Variants in OR51B5 observed in about 807,000 individuals in gnomAD.
OR51B5 encodes olfactory receptor 51B5.
For missense variants in OR51B5, 456 were observed against 374.6 expected (o/e 1.22, Z -1.79); for synonymous variants, 186 against 144.8 (o/e 1.28, Z -2.04).
chr11:5,455,621 A>AAGAG (rs531024192), intron 1 of OR51B5: 76 of 150,818 alleles, frequency 5.0e-4, no homozygotes, highest in African/African-American at 1.8e-3. Flanking sequence ...GAAAGAGAGA[A>AAGAG]AGAGAGAGAG....
intron 1 of OR51B5, among the ~76,000 whole-genome samples, chr11:5,414,675 A>G (rs1850209161): frequency 6.6e-6 from 1 of 152,194 alleles, no homozygotes; most frequent in Non-Finnish European, 1.5e-5. Flanking sequence ...AAAGATCAAA[A>G]GAGACAAGGC....
chr11:5,441,026 A>C, intron 1 of OR51B5: 3 of 1,613,824 alleles, frequency 1.9e-6, no homozygotes, highest in Non-Finnish European at 2.5e-6. Context: ...GTTTCACCAC[A>C]AAAGGGAAAG....
intron 1 of OR51B5, chr11:5,351,455 T>A (rs1434412023): frequency 7.0e-7 from 1 of 1,419,780 alleles, no homozygotes; most frequent in Non-Finnish European, 9.6e-7. Flanking sequence ...TTTATACAAC[T>A]GATTACTATT....
intron 1 of OR51B5, among the ~76,000 whole-genome samples, chr11:5,437,733 C>T (rs1175316589): frequency 6.6e-6 from 1 of 152,130 alleles, no homozygotes; most frequent in Non-Finnish European, 1.5e-5. Flanking sequence ...TGCTAGTTAT[C>T]GTTAAGTTCT....
chr11:5,360,402 A>C (rs2133696986), intron 1 of OR51B5, among the ~76,000 whole-genome samples: 1 of 152,002 alleles, frequency 6.6e-6, no homozygotes, highest in African/African-American at 2.4e-5. Context: ...GCTCATCATC[A>C]CTGGCCATCA....
intron 1 of OR51B5, chr11:5,454,538 G>T (rs1263231831): frequency 1.1e-6 from 1 of 899,122 alleles, no homozygotes; most frequent in South Asian, 1.7e-5. Context: ...GGAAAAGTAG[G>T]CCAGGAGATG....
intron 1 of OR51B5, among the ~76,000 whole-genome samples, chr11:5,487,201 G>A (rs2133812234): frequency 6.6e-6 from 1 of 152,198 alleles, no homozygotes; most frequent in South Asian, 2.1e-4. Flanking sequence ...TCTTTTCATT[G>A]GTTAGGGATG....
intron 1 of OR51B5, among the ~76,000 whole-genome samples, chr11:5,448,905 T>C (rs539250677): frequency 1.3e-5 from 2 of 152,278 alleles, no homozygotes; most frequent in African/African-American, 4.8e-5. Flanking sequence ...GACCAGAAAA[T>C]TTAAAGAACA....
chr11:5,414,812 A>G (rs1483483644), intron 1 of OR51B5, among the ~76,000 whole-genome samples: 2 of 152,210 alleles, frequency 1.3e-5, no homozygotes, highest in African/African-American at 4.8e-5. Context: ...TTAGACTCCC[A>G]CACTTTAATA....
chr11:5,351,759 G>A (rs1321072780), intron 1 of OR51B5: 6 of 1,613,880 alleles, frequency 3.7e-6, no homozygotes, highest in Non-Finnish European at 5.1e-6. Flanking sequence ...GTGTTCTGTG[G>A]TTAGATCACA....
chr11:5,418,335 G>C (rs1850273148), intron 1 of OR51B5, among the ~76,000 whole-genome samples: 1 of 152,006 alleles, frequency 6.6e-6, no homozygotes, highest in Non-Finnish European at 1.5e-5. Context: ...CAGCGCACCA[G>C]CATGTCACAT....
chr11:5,410,320 T>C (rs1484244572), intron 1 of OR51B5, among the ~76,000 whole-genome samples: 1 of 152,116 alleles, frequency 6.6e-6, no homozygotes, highest in Non-Finnish European at 1.5e-5. Flanking sequence ...AAGAAAGAGA[T>C]ATCATTTGAG....
At chr11:5,383,258 G>A (rs986553109) in intron 1 of OR51B5, among the ~76,000 whole-genome samples, 2 of 152,146 alleles carry the variant, frequency 1.3e-5, no homozygotes, top group African/African-American at 4.8e-5. Flanking sequence ...ATTTGTTTGG[G>A]GTAGGATTGA....
intron 1 of OR51B5, among the ~76,000 whole-genome samples, chr11:5,361,301 G>C (rs112416732): frequency 1.3e-5 from 2 of 152,152 alleles, no homozygotes; most frequent in South Asian, 4.1e-4. Flanking sequence ...CTGTTCCAAA[G>C]TTCTAAATCC....
intron 1 of OR51B5, chr11:5,430,671 G>A (rs1254460136): frequency 2.2e-6 from 1 of 454,940 alleles, no homozygotes; most frequent in Non-Finnish European, 4.4e-6. Context: ...ATTCCCTCTT[G>A]CAGGAAAACA....
chr11:5,422,187 C>G, intron 1 of OR51B5: 1 of 1,564,972 alleles, frequency 6.4e-7, no homozygotes. Flanking sequence ...AATCTGAAGA[C>G]ACATTCATCA....
At position 5,343,425 on chromosome 11, in the gene OR51B5, T is replaced by TATACATGAACAAGAAAA. The variant is rs1564912304; in HGVS notation, c.83_99dup (p.Ile34PhefsTer46). On this transcript the variant is annotated frameshift_variant, in exon 1 of 1. Coordinates refer to ENST00000300773, the Ensembl canonical transcript of OR51B5. LOFTEE classifies it low-confidence loss of function (END_TRUNC). Reference sequence around the variant, plus strand: ...GTGCCATTGCCAAAAAGGATGGATATATACATGAACAAGAAAAATACGGAA... The same window carrying TATACATGAACAAGAAAA: ...GTGCCATTGCCAAAAAGGATGGATATATACATGAACAAGAAAAATACATGAACAAGAAAAATACGGAA... The TATACATGAACAAGAAAA allele has an allele frequency of 6.2e-7, 1 of 1,612,704 alleles. No individual in the cohort carries two copies. Among genetic ancestry groups the TATACATGAACAAGAAAA allele is most frequent in the Non-Finnish European group, 8.5e-7 (1 of 1,179,172 alleles).
chr11:5,418,412 AAAAAC>A (rs139391446), intron 1 of OR51B5, among the ~76,000 whole-genome samples: 70,784 of 150,226 alleles, frequency 0.47, 18,367 homozygotes, highest in Non-Finnish European at 0.59. Context: ...TAATAATAAT[AAAAAC>A]AAAACAAAAC....
chr11:5,375,070 G>A (rs1482955800), intron 1 of OR51B5, among the ~76,000 whole-genome samples: 1 of 151,000 alleles, frequency 6.6e-6, no homozygotes, highest in Non-Finnish European at 1.5e-5. Flanking sequence ...AAAATGTTAA[G>A]GGCAGCCAGA....
Sources: gnomAD v4.1 joint callset for allele counts (sites outside exome capture counted in the v4.1 genomes callset) on GRCh38, gnomAD v4.1.1 for gene constraint, MANE v1.5 for transcripts, NCBI Gene and HGNC (gene_info 2026-07-23, HGNC 2026-07-21) for gene names.